CCDC102B: variants seen among roughly 807,000 people sequenced by gnomAD.
CCDC102B encodes coiled-coil domain containing 102B, also known as coiled-coil domain-containing protein 102B.
In CCDC102B, 75 loss-of-function variants were observed where a neutral mutation model predicts 57.4. That is an observed-to-expected ratio of 1.31 (90% CI 1.08 to 1.58). CCDC102B has a LOEUF of 1.58. Ranked by LOEUF, CCDC102B falls within the 40% of genes most tolerant of loss-of-function variation. The probability of loss-of-function intolerance (pLI) is 0.00; values close to 1 mark genes in which losing one functional copy is unlikely to be tolerated. For synonymous variants in CCDC102B, 206 were observed against 201.9 expected (o/e 1.02, Z -0.17); for missense variants, 636 against 582.6 (o/e 1.09, Z -0.94).
At chr18:68,774,493 T>C (rs564175237) in intron 2 of CCDC102B, among the ~76,000 whole-genome samples, 180 of 152,128 alleles carry the variant, frequency 1.2e-3, no homozygotes, top group African/African-American at 4.2e-3. Context: ...GTCCACAAAA[T>C]TTCTCATTTG....
At chr18:68,849,668 A>G (rs748025321) in intron 4 of CCDC102B, among the ~76,000 whole-genome samples, 2 of 152,136 alleles carry the variant, frequency 1.3e-5, no homozygotes, top group South Asian at 2.1e-4. Context: ...GCTGCCTTCC[A>G]AGTAATTCAG....
downstream of CCDC102B, among the ~76,000 whole-genome samples, chr18:69,057,118 T>C (rs1427362729): frequency 6.6e-6 from 1 of 152,092 alleles, no homozygotes; most frequent in Non-Finnish European, 1.5e-5. Context: ...TTTACTTTCA[T>C]GAATCCCCTC....
intron 6 of CCDC102B, among the ~76,000 whole-genome samples, chr18:68,988,902 G>T (rs571933370): frequency 1.4e-4 from 22 of 152,234 alleles, no homozygotes; most frequent in African/African-American, 5.1e-4. Flanking sequence ...GGTGTGTATT[G>T]CGTGGACAAC....
intron 2 of CCDC102B, among the ~76,000 whole-genome samples, chr18:68,786,428 TTTTCA>T (rs1478097552): frequency 7.4e-6 from 1 of 135,914 alleles, no homozygotes; most frequent in Non-Finnish European, 1.6e-5. Flanking sequence ...AGTATGGCCA[TTTTCA>T]CGATATTGAT....
intron 4 of CCDC102B, among the ~76,000 whole-genome samples, chr18:68,874,411 A>G: frequency 6.6e-6 from 1 of 151,910 alleles, no homozygotes. Flanking sequence ...GAGGTAACTG[A>G]GTTATGCCTA....
chr18:68,957,730 A>G (rs905777730), intron 6 of CCDC102B, among the ~76,000 whole-genome samples: 1 of 151,966 alleles, frequency 6.6e-6, no homozygotes, highest in African/African-American at 2.4e-5. Flanking sequence ...AACAATATTG[A>G]TTCTTTCAAT....
At chr18:69,032,805 G>C (rs1028288677) in intron 7 of CCDC102B, among the ~76,000 whole-genome samples, 1 of 151,958 alleles carries the variant, frequency 6.6e-6, no homozygotes, top group Non-Finnish European at 1.5e-5. Flanking sequence ...GTCCCTCAAG[G>C]CATCTATTAA....
intron 6 of CCDC102B, among the ~76,000 whole-genome samples, chr18:68,899,448 C>T (rs904140934): frequency 6.6e-6 from 1 of 151,916 alleles, no homozygotes; most frequent in Non-Finnish European, 1.5e-5. Flanking sequence ...TATATACACA[C>T]ACCATGTATG....
chr18:68,921,745 G>T (rs2041290657), intron 6 of CCDC102B, among the ~76,000 whole-genome samples: 1 of 152,102 alleles, frequency 6.6e-6, no homozygotes, highest in South Asian at 2.1e-4. Flanking sequence ...ACAAACACAA[G>T]GGACTAACTC....
At chr18:68,908,208 A>G (rs1421211776) in intron 6 of CCDC102B, 1 of 152,158 alleles carries the variant, frequency 6.6e-6, no homozygotes, top group African/African-American at 2.4e-5. Flanking sequence ...GGATAGTTAC[A>G]TCTGTATTCA....
intron 6 of CCDC102B, among the ~76,000 whole-genome samples, chr18:69,000,172 T>C (rs1375378679): frequency 6.6e-6 from 1 of 152,178 alleles, no homozygotes; most frequent in Non-Finnish European, 1.5e-5. Context: ...AGTAATTAGC[T>C]ATGTATAAAA....
intron 7 of CCDC102B, among the ~76,000 whole-genome samples, chr18:69,016,385 A>G (rs1214505097): frequency 1.3e-5 from 2 of 152,184 alleles, no homozygotes; most frequent in African/African-American, 4.8e-5. Flanking sequence ...AGCAATTACA[A>G]TGACACTTGA....
At chr18:68,967,176 TC>T (rs2050185899) in intron 6 of CCDC102B, among the ~76,000 whole-genome samples, 1 of 172 alleles carries the variant, frequency 5.8e-3, no homozygotes, top group South Asian at 0.25. Flanking sequence ...AGAACACCCC[TC>T]TTCCCCTCCT....
At chr18:68,740,843 A>G in intron 2 of CCDC102B, among the ~76,000 whole-genome samples, 1 of 152,292 alleles carries the variant, frequency 6.6e-6, no homozygotes, top group East Asian at 1.9e-4. Flanking sequence ...ATATTTAAGT[A>G]TATATAAATT....
intron 2 of CCDC102B, among the ~76,000 whole-genome samples, chr18:68,727,423 C>A (rs1599375621): frequency 6.6e-6 from 1 of 152,170 alleles, no homozygotes; most frequent in South Asian, 2.1e-4. Context: ...AACTCCTGAA[C>A]TACCTCTTAT....
At chr18:68,958,966 A>G (rs560594991) in intron 6 of CCDC102B, among the ~76,000 whole-genome samples, 119 of 152,234 alleles carry the variant, frequency 7.8e-4, no homozygotes, top group African/African-American at 2.8e-3. Context: ...TCTCTTTCCA[A>G]GAGGTCACAC....
At chr18:68,808,639 G>A (rs1249611753) in intron 1 of CCDC102B, among the ~76,000 whole-genome samples, 5 of 151,762 alleles carry the variant, frequency 3.3e-5, no homozygotes, top group South Asian at 2.1e-4. Flanking sequence ...CACCACGCCC[G>A]GATAATTTTT....
At chr18:68,745,121 G>A (rs1396386610) in intron 2 of CCDC102B, among the ~76,000 whole-genome samples, 2 of 152,144 alleles carry the variant, frequency 1.3e-5, no homozygotes, top group East Asian at 1.9e-4. Flanking sequence ...ACAGAGGTAG[G>A]AGAGGAGGCA....
rs190820915 is a variant in CCDC102B, at chr18:69,033,337, A to G, written c.1435-20693A>G. On this transcript the variant is annotated intron_variant, in intron 7 of 7. Coordinates refer to ENST00000360242, the MANE Select transcript of CCDC102B (RefSeq NM_024781.3). Reference sequence around the variant, plus strand: ...CATTTTAAGGGTTCAGTGCAATTCAATAGTTATTAGTATCATCATCATGTT... The same window carrying G: ...CATTTTAAGGGTTCAGTGCAATTCAGTAGTTATTAGTATCATCATCATGTT... Among the ~76,000 whole-genome samples, 326 of 152,242 alleles carry G rather than the reference A, an allele frequency of 2.1e-3. 1 individual carries two copies. Among genetic ancestry groups the G allele is most frequent in the Non-Finnish European group, 3.2e-3 (216 of 67,982 alleles).
Sources: gnomAD v4.1 joint callset for allele counts (sites outside exome capture counted in the v4.1 genomes callset) on GRCh38, gnomAD v4.1.1 for gene constraint, MANE v1.5 for transcripts, NCBI Gene and HGNC (gene_info 2026-07-23, HGNC 2026-07-21) for gene names.